The following LEPR variants were observed in gnomAD, a reference collection of about 807,000 sequenced individuals.
LEPR encodes the protein OB receptor.
Under a neutral mutation model 114.7 loss-of-function variants are expected in LEPR, and 56 were observed. The observed-to-expected ratio is 0.49, with a 90% CI of 0.39 to 0.61. The LOEUF (loss-of-function observed/expected upper bound fraction) is 0.61. LEPR is among the 20% of genes least tolerant of loss of function. The probability of loss-of-function intolerance (pLI) is 0.00; values close to 1 mark genes in which losing one functional copy is unlikely to be tolerated. For missense variants in LEPR, 1,202 were observed against 1,352.9 expected (o/e 0.89, Z 1.75); for synonymous variants, 443 against 461.4 (o/e 0.96, Z 0.51).
At position 65,599,256 on chromosome 1, in the gene LEPR, G is replaced by A. The variant is rs142032610; in HGVS notation, c.994+452G>A. Among the ~76,000 whole-genome samples the A allele has an allele frequency of 3.0e-4, 46 of 152,184 alleles. No homozygotes were observed. In the East Asian group the frequency reaches 7.9e-3, roughly 26 times the overall value. On this transcript the variant is annotated intron_variant, in intron 8 of 19. Transcript: ENST00000349533. ...GTTCATATTTTAAAGGTTATTTTTA[G>A]CATCGGAACATCTACAGTTCATTCA... is the stretch of plus-strand genomic sequence containing the variant.
chr1:65,620,389 C>T (rs928379735), intron 17 of LEPR, among the ~76,000 whole-genome samples: 3 of 152,096 alleles, frequency 2.0e-5, no homozygotes, highest in African/African-American at 7.2e-5. Context: ...AAAATTCATA[C>T]ATGTATTATC....
At chr1:65,497,371 C>G (rs1016256515) in intron 2 of LEPR, among the ~76,000 whole-genome samples, 1 of 152,110 alleles carries the variant, frequency 6.6e-6, no homozygotes, top group African/African-American at 2.4e-5. Context: ...TAGTCTGTTT[C>G]TTATTCCACA....
At chr1:65,503,031 C>T (rs921774357) in intron 2 of LEPR, among the ~76,000 whole-genome samples, 9 of 151,712 alleles carry the variant, frequency 5.9e-5, no homozygotes, top group Non-Finnish European at 1.3e-4. Flanking sequence ...GACAGAGAGA[C>T]AAAGAGAAAG....
intron 2 of LEPR, among the ~76,000 whole-genome samples, chr1:65,555,484 AG>A (rs1450617039): frequency 1.3e-5 from 2 of 152,186 alleles, no homozygotes; most frequent in African/African-American, 4.8e-5. Flanking sequence ...TCTGAAAAGT[AG>A]GGTTATGGAG....
intron 3 of LEPR, among the ~76,000 whole-genome samples, chr1:65,566,980 C>A (rs895591719): frequency 1.3e-4 from 20 of 152,156 alleles, no homozygotes; most frequent in African/African-American, 3.4e-4. Context: ...GGGAACTGTT[C>A]ATTCTCTTTT....
chr1:65,619,331 A>C (rs1343966876), intron 16 of LEPR, among the ~76,000 whole-genome samples: 1 of 152,122 alleles, frequency 6.6e-6, no homozygotes, highest in Non-Finnish European at 1.5e-5. Flanking sequence ...TTCTAGAAGA[A>C]TATTCATATA....
intron 2 of LEPR, among the ~76,000 whole-genome samples, chr1:65,479,924 A>G (rs562076514): frequency 0.025 from 3,831 of 151,946 alleles, 169 homozygotes; most frequent in African/African-American, 0.088. Context: ...AAGACAAAAA[A>G]CAAACAAACA....
At chr1:65,564,746 C>T (rs966964952) in intron 2 of LEPR, among the ~76,000 whole-genome samples, 4 of 152,278 alleles carry the variant, frequency 2.6e-5, no homozygotes, top group African/African-American at 7.2e-5. Flanking sequence ...AAACCCAAGT[C>T]CCACAGCTGA....
intron 2 of LEPR, among the ~76,000 whole-genome samples, chr1:65,477,432 G>A (rs1647171849): frequency 6.6e-6 from 1 of 152,164 alleles, no homozygotes; most frequent in Non-Finnish European, 1.5e-5. Context: ...ATGGATACCT[G>A]AATGAATACA....
chr1:65,546,493 GT>G (rs1300766679), intron 2 of LEPR, among the ~76,000 whole-genome samples: 1 of 152,060 alleles, frequency 6.6e-6, no homozygotes, highest in African/African-American at 2.4e-5. Context: ...TTGAGCAGTG[GT>G]TTGTAGTTCT....
chr1:65,477,918 A>G (rs147195782), intron 2 of LEPR, among the ~76,000 whole-genome samples: 80 of 152,264 alleles, frequency 5.3e-4, no homozygotes, highest in African/African-American at 1.8e-3. Context: ...AGTAGCTTTT[A>G]TAGTTACTTG....
chr1:65,541,666 A>T (rs1332304975), intron 2 of LEPR, among the ~76,000 whole-genome samples: 1 of 152,288 alleles, frequency 6.6e-6, no homozygotes, highest in African/African-American at 2.4e-5. Context: ...TATTTTGTTA[A>T]ATTTTTGATA....
At chr1:65,445,897 A>C (rs567377058) in intron 2 of LEPR, among the ~76,000 whole-genome samples, 9 of 152,352 alleles carry the variant, frequency 5.9e-5, no homozygotes, top group African/African-American at 2.2e-4. Context: ...CAGATTTAAC[A>C]CAAAACCATT....
chr1:65,547,728 A>G (rs1258068040), intron 2 of LEPR, among the ~76,000 whole-genome samples: 48 of 142,492 alleles, frequency 3.4e-4, no homozygotes, highest in African/African-American at 1.0e-3. Flanking sequence ...CTAGCGGTCT[A>G]TCAATTTTGT....
chr1:65,573,912 T>C (rs1654389156), intron 5 of LEPR, among the ~76,000 whole-genome samples: 1 of 152,224 alleles, frequency 6.6e-6, no homozygotes, highest in African/African-American at 2.4e-5. Context: ...TGTTAAATTT[T>C]ATATACATTT....
intron 2 of LEPR, among the ~76,000 whole-genome samples, chr1:65,505,289 A>C (rs1013453606): frequency 8.5e-5 from 13 of 152,192 alleles, no homozygotes; most frequent in African/African-American, 3.1e-4. Flanking sequence ...TATAATTACA[A>C]GCAATATTAC....
chr1:65,601,450 C>G lies in LEPR; in HGVS notation c.1053C>G (p.His351Gln). 3.1e-6 allele frequency: 5 copies of G among 1,613,604 alleles called. No homozygotes were observed. The highest frequency in any genetic ancestry group is 4.2e-6 in the Non-Finnish European group (5 of 1,179,658). ...LTSVGSNVSF[H>Q]CIYKKENKIV... ...GTGTTGGGTCTAATGTTTCTTTTCA[C>G]TGCATCTATAAGAAGGAAAACAAGA... The change falls in exon 9 of 20, where the codon CAC becomes CAG. Residue 351 changes from histidine (H) to glutamine (Q), a missense_variant. His to Gln is a conservative substitution (Grantham distance 24, BLOSUM62 0). Transcript: ENST00000349533.
At chr1:65,438,748 A>C (rs1423669246) in intron 2 of LEPR, among the ~76,000 whole-genome samples, 1 of 151,890 alleles carries the variant, frequency 6.6e-6, no homozygotes, top group Non-Finnish European at 1.5e-5. Flanking sequence ...CATTATCTGA[A>C]TTTATCCTCA....
At chr1:65,554,238 C>G (rs1019958693) in intron 2 of LEPR, among the ~76,000 whole-genome samples, 1 of 152,196 alleles carries the variant, frequency 6.6e-6, no homozygotes, top group Non-Finnish European at 1.5e-5. Context: ...AAGCGCTGTG[C>G]TGGGGGATCC....
Sources: gnomAD v4.1 joint callset for allele counts (sites outside exome capture counted in the v4.1 genomes callset) on GRCh38, gnomAD v4.1.1 for gene constraint, MANE v1.5 for transcripts, NCBI Gene and HGNC (gene_info 2026-07-23, HGNC 2026-07-21) for gene names.